PRR5L: variants seen among roughly 807,000 people sequenced by gnomAD.
PRR5L encodes the protein proline-rich protein 5-like.
In PRR5L, 21 loss-of-function variants were observed where a neutral mutation model predicts 36.4. That is an observed-to-expected ratio of 0.58 (90% confidence interval 0.41 to 0.83). The LOEUF (loss-of-function observed/expected upper bound fraction) is 0.83. PRR5L is among the 40% of genes least tolerant of loss of function. The pLI is 0.00. For synonymous variants in PRR5L, 188 were observed against 197.0 expected, an observed-to-expected ratio of 0.95 and a Z score of 0.38; for missense variants, 381 against 473.3, an observed-to-expected ratio of 0.80 and a Z score of 1.81.
At chr11:36,448,944 C>A (rs1858889559) in intron 7 of PRR5L, among the ~76,000 whole-genome samples, 1 of 152,222 alleles carries the variant, frequency 6.6e-6, no homozygotes, top group Admixed American at 6.5e-5. Flanking sequence ...CCTTTCTAGG[C>A]AACTACTGCC....
At chr11:36,306,052 CT>C (rs544676477) in intron 1 of PRR5L, among the ~76,000 whole-genome samples, 2 of 151,930 alleles carry the variant, frequency 1.3e-5, no homozygotes, top group African/African-American at 2.4e-5. Flanking sequence ...GGATCTCATT[CT>C]TTTTTATGGC....
At chr11:36,351,044 A>AT (rs201687467) in intron 1 of PRR5L, among the ~76,000 whole-genome samples, 43,346 of 50,518 alleles carry the variant, frequency 0.86, 19,366 homozygotes, top group East Asian at 0.97. Flanking sequence ...TTTTTAATAT[A>AT]TTTTATATGT....
At chr11:36,462,265 C>A (rs1201012548) in intron 8 of PRR5L, 77 bp from the exon 9 acceptor site, 1 of 1,393,278 alleles carries the variant, frequency 7.2e-7, no homozygotes, top group Non-Finnish European at 9.5e-7. Flanking sequence ...TTGTTCTTTT[C>A]CCCCAGTTGG....
chr11:36,412,973 A>T (rs940732372), intron 3 of PRR5L, among the ~76,000 whole-genome samples: 3 of 152,174 alleles, frequency 2.0e-5, no homozygotes, highest in African/African-American at 7.2e-5. Context: ...GGGGGAAGGT[A>T]GCTTTTAAGT....
At chr11:36,309,678 C>G (rs529850054) in intron 1 of PRR5L, among the ~76,000 whole-genome samples, 3 of 86 alleles carry the variant, frequency 0.035, no homozygotes, top group African/African-American at 0.094. Context: ...TATATGATTT[C>G]AAAGTCTCCA....
chr11:36,453,403 T>G (rs1466071728), intron 8 of PRR5L, among the ~76,000 whole-genome samples: 1 of 152,210 alleles, frequency 6.6e-6, no homozygotes, highest in African/African-American at 2.4e-5. Context: ...GGGGATAGCT[T>G]TAGCTTTCTA....
At position 36,462,789 on chromosome 11, in the gene PRR5L, C is replaced by T; in HGVS notation, c.*53C>T. 6.8e-7 allele frequency: 1 copy of T among 1,476,268 alleles called. No homozygotes were observed. Among genetic ancestry groups the T allele is most frequent in the Non-Finnish European group, 9.0e-7 (1 of 1,105,466 alleles). 91.4% of individuals were successfully genotyped at this position (1,476,268 alleles called of 1,614,324 possible). A position where few individuals can be genotyped will look rare whatever the true frequency, so the allele number is the denominator to read the frequency against. ...CTGTTTTGCAACCAGGATGAGGACC[C>T]CTCCATCTCCGTGGATTACTGAGGG... On this transcript the variant is annotated 3_prime_UTR_variant, in exon 9 of 9. Coordinates refer to ENST00000530639, the MANE Select transcript of PRR5L (RefSeq NM_001160167.2).
At chr11:36,313,510 A>T (rs1856524912) in intron 1 of PRR5L, among the ~76,000 whole-genome samples, 1 of 152,214 alleles carries the variant, frequency 6.6e-6, no homozygotes, top group African/African-American at 2.4e-5. Flanking sequence ...TTTGTTGGGT[A>T]GCCAAATGCT....
chr11:36,302,535 C>T (rs576326573), intron 1 of PRR5L, among the ~76,000 whole-genome samples: 2 of 152,224 alleles, frequency 1.3e-5, no homozygotes, highest in East Asian at 3.9e-4. Context: ...CCTGTTATCC[C>T]AGCACTTTGG....
At chr11:36,414,870 T>C (rs919596810) in intron 3 of PRR5L, among the ~76,000 whole-genome samples, 17 of 143,552 alleles carry the variant, frequency 1.2e-4, no homozygotes, top group African/African-American at 4.2e-4. Context: ...CTTTAATCCA[T>C]CTTGAATTAA....
chr11:36,355,123 C>T (rs538895564), intron 1 of PRR5L, among the ~76,000 whole-genome samples: 2 of 152,202 alleles, frequency 1.3e-5, no homozygotes, highest in South Asian at 2.1e-4. Context: ...TTCTAGAGAC[C>T]GTCAGCAGAG....
At chr11:36,325,261 G>T (rs1221036316) in intron 1 of PRR5L, among the ~76,000 whole-genome samples, 2 of 152,250 alleles carry the variant, frequency 1.3e-5, no homozygotes, top group Non-Finnish European at 2.9e-5. Flanking sequence ...CAAGCCTTTA[G>T]CCCGATTTGG....
At chr11:36,376,404 C>T (rs1857262089) in intron 1 of PRR5L, 2 of 1,147,354 alleles carry the variant, frequency 1.7e-6, no homozygotes. Flanking sequence ...AGGAGGGAAA[C>T]GTGTCACCAG....
intron 1 of PRR5L, among the ~76,000 whole-genome samples, chr11:36,320,178 A>G (rs1470919230): frequency 6.6e-6 from 1 of 151,962 alleles, no homozygotes; most frequent in Non-Finnish European, 1.5e-5. Flanking sequence ...CCTGGGCAAG[A>G]TAAGAAATGT....
At chr11:36,444,193 T>A (rs917433290) in intron 6 of PRR5L, among the ~76,000 whole-genome samples, 1 of 152,212 alleles carries the variant, frequency 6.6e-6, no homozygotes, top group Non-Finnish European at 1.5e-5. Flanking sequence ...TACGCAGCCT[T>A]ACAAGTGAGG....
intron 1 of PRR5L, among the ~76,000 whole-genome samples, chr11:36,350,734 T>C (rs923657984): frequency 6.6e-6 from 1 of 150,998 alleles, no homozygotes; most frequent in Non-Finnish European, 1.5e-5. Flanking sequence ...TGTATCATTC[T>C]TATGCCTTTG....
chr11:36,425,138 T>G (rs1858354267), intron 4 of PRR5L, among the ~76,000 whole-genome samples: 1 of 152,228 alleles, frequency 6.6e-6, no homozygotes, highest in African/African-American at 2.4e-5. Context: ...TGCGTTTTGA[T>G]GAGTCCTGCA....
At chr11:36,455,216 A>T (rs1859027711) in intron 8 of PRR5L, 1 of 152,286 alleles carries the variant, frequency 6.6e-6, no homozygotes, top group Non-Finnish European at 1.5e-5. Context: ...GACACCCACC[A>T]CGGGCTTGGT....
chr11:36,297,868 T>A (rs536268909), intron 1 of PRR5L, among the ~76,000 whole-genome samples: 2 of 152,266 alleles, frequency 1.3e-5, no homozygotes, highest in Non-Finnish European at 2.9e-5. Context: ...TCCTCTGGCT[T>A]ACTGATGATT....
Sources: gnomAD v4.1 joint callset for allele counts (sites outside exome capture counted in the v4.1 genomes callset) on GRCh38, gnomAD v4.1.1 for gene constraint, MANE v1.5 for transcripts, NCBI Gene and HGNC (gene_info 2026-07-23, HGNC 2026-07-21) for gene names.